Variants in LYSMD1 observed in about 807,000 individuals in gnomAD.
The protein encoded by LYSMD1 is LysM domain containing 1, also known as lysM and putative peptidoglycan-binding domain-containing protein 1.
Under a neutral mutation model 19.3 loss-of-function variants are expected in LYSMD1, and 9 were observed. That is an observed-to-expected ratio of 0.47 (90% CI 0.28 to 0.81). LYSMD1 has a LOEUF of 0.81. Among genes scored for constraint, LYSMD1 ranks in the 40% least tolerant of loss-of-function variants. The probability of loss-of-function intolerance (pLI) is 0.11; values close to 1 mark genes in which losing one functional copy is unlikely to be tolerated. For synonymous variants in LYSMD1, 111 were observed against 111.7 expected (o/e 0.99, Z 0.04); for missense variants, 262 against 279.8 (o/e 0.94, Z 0.45).
At chr1:151,164,386 A>G (rs1683578234) in intron 1 of LYSMD1, among the ~76,000 whole-genome samples, 1 of 152,236 alleles carries the variant, frequency 6.6e-6, no homozygotes, top group Admixed American at 6.5e-5. Flanking sequence ...GCTAAATTCA[A>G]CATTTGTTTG....
chr1:151,152,426 G>T, the LYSMD1 span, among the ~76,000 whole-genome samples: 1 of 146,642 alleles, frequency 6.8e-6, no homozygotes, highest in East Asian at 2.0e-4. Flanking sequence ...AATAGGACAG[G>T]CACGGTGGTT....
chr1:151,148,781 A>T, the LYSMD1 span, among the ~76,000 whole-genome samples: 1 of 152,172 alleles, frequency 6.6e-6, no homozygotes, highest in Non-Finnish European at 1.5e-5. Context: ...GATAAAAAAA[A>T]GGTCCTGTGA....
chr1:151,148,841 G>T, the LYSMD1 span, among the ~76,000 whole-genome samples: 1 of 152,166 alleles, frequency 6.6e-6, no homozygotes, highest in Non-Finnish European at 1.5e-5. Context: ...AGGGAAAAGG[G>T]GAAGACAAAT....
the LYSMD1 span, among the ~76,000 whole-genome samples, chr1:151,151,259 G>A: frequency 6.6e-6 from 1 of 150,828 alleles, no homozygotes; most frequent in East Asian, 2.0e-4. Flanking sequence ...TGGCTCACTC[G>A]GCTCACTGCA....
chr1:151,149,930 T>C, the LYSMD1 span, among the ~76,000 whole-genome samples: 6 of 152,264 alleles, frequency 3.9e-5, no homozygotes, highest in Non-Finnish European at 8.8e-5. Flanking sequence ...AAGTGAGAAT[T>C]CCACCAACTT....
downstream of LYSMD1, chr1:151,156,760 G>A (rs1572060453): frequency 6.6e-6 from 1 of 152,264 alleles, no homozygotes; most frequent in Non-Finnish European, 1.5e-5. Flanking sequence ...AGACTTTAGG[G>A]GTAATGGTGG....
At chr1:151,158,820 G>C, downstream of LYSMD1, 1 of 1,614,150 alleles carries the variant, frequency 6.2e-7, no homozygotes. Context: ...TGCTAGATGA[G>C]CTCTACCGTG....
In LYSMD1 at chr1:151,160,939, G is replaced by A; in HGVS notation, c.627C>T (p.Thr209=). ...QRAVLGPVPL[T]RTSRTRTLRD... is the part of the protein sequence containing the mutation. ...GTAGTGTCCGGGTCCGAGAGGTACGGGTCAGCGGCACAGGACCTAGGACTG... is the reference window on the plus strand; with the variant it reads ...GTAGTGTCCGGGTCCGAGAGGTACGAGTCAGCGGCACAGGACCTAGGACTG... The change falls in exon 3 of 3, where the codon ACC becomes ACT. Residue 209 remains threonine (T), a synonymous_variant. Coordinates refer to ENST00000368908, the MANE Select transcript of LYSMD1 (RefSeq NM_212551.5). The A allele has an allele frequency of 1.9e-6, 3 of 1,614,174 alleles. No homozygotes were observed. The South Asian group carries it at 3.3e-5, about 18-fold the overall frequency.
downstream of LYSMD1, chr1:151,159,362 G>T: frequency 8.6e-7 from 1 of 1,167,408 alleles, no homozygotes. Context: ...CAATCTTCAG[G>T]CTTCATTCCT....
At position 151,160,988 on chromosome 1, in the gene LYSMD1, C is replaced by T. The variant is rs747673438; in HGVS notation, c.578G>A (p.Ser193Asn). The T allele has an allele frequency of 1.9e-6, 3 of 1,614,134 alleles. No individual in the cohort carries two copies. Among genetic ancestry groups the T allele is most frequent in the Non-Finnish European group, 2.5e-6 (3 of 1,180,012 alleles). Residue 193 changes from serine (S) to asparagine (N), a missense_variant, in exon 3 of 3, where the codon AGC becomes AAC. Physicochemically the swap from Ser to Asn is conservative, Grantham distance 46. Transcript: ENST00000368908. ...TGCTCGTTGCTGCATCCAAGGGGAG[C>T]TCAGGTGGAGACCTGCATCCTCCCC... Reference protein sequence around the residue: ...VPGEDAGLHLSSPWMQQRAVL... With the variant: ...VPGEDAGLHLNSPWMQQRAVL...
At chr1:151,161,206 G>A (rs1007496904) in intron 2 of LYSMD1, among the ~76,000 whole-genome samples, 186 bp from the exon 3 acceptor site, 1 of 152,216 alleles carries the variant, frequency 6.6e-6, no homozygotes, top group African/African-American at 2.4e-5. Context: ...AGTAAAAACA[G>A]TTAACTGTCA....
At position 151,162,057 on chromosome 1, in the gene LYSMD1, G is replaced by T. The variant is rs1340255999; in HGVS notation, c.224C>A (p.Ser75Tyr). The T allele has an allele frequency of 6.2e-7, 1 of 1,611,678 alleles. No individual in the cohort carries two copies. Residue 75 changes from serine to tyrosine, a missense_variant, in exon 2 of 3, where the codon TCC becomes TAC. By Grantham distance (144) the Ser-to-Tyr change is moderately radical. Coordinates refer to ENST00000368908, the MANE Select transcript of LYSMD1 (RefSeq NM_212551.5). Reference sequence around the variant, plus strand: ...GTAGAGGGTTTTCTTCAGGAAGATGGAGTCATTAGTATAAAGGCGGTTTGC... The same window carrying T: ...GTAGAGGGTTTTCTTCAGGAAGATGTAGTCATTAGTATAAAGGCGGTTTGC... ...KRANRLYTND[S>Y]IFLKKTLYIP... is the part of the protein sequence containing the mutation.
the LYSMD1 span, among the ~76,000 whole-genome samples, chr1:151,151,793 G>A: frequency 6.6e-6 from 1 of 151,814 alleles, no homozygotes; most frequent in Non-Finnish European, 1.5e-5. Context: ...GCCGGGCATG[G>A]TGGCGGGCGC....
chr1:151,157,355 CT>C (rs1360570002), downstream of LYSMD1, among the ~76,000 whole-genome samples: 1 of 152,218 alleles, frequency 6.6e-6, no homozygotes, highest in Non-Finnish European at 1.5e-5. Flanking sequence ...GAGGGCGAGG[CT>C]GCTCCTCACT....
chr1:151,164,650 C>T (rs587689876), intron 1 of LYSMD1, among the ~76,000 whole-genome samples: 2 of 152,310 alleles, frequency 1.3e-5, no homozygotes, highest in South Asian at 2.1e-4. Flanking sequence ...TTGCTGTAAA[C>T]GTTTAATCAC....
At chr1:151,158,905 G>A (rs766594715), downstream of LYSMD1, 1 of 1,614,200 alleles carries the variant, frequency 6.2e-7, no homozygotes, top group Non-Finnish European at 8.5e-7. Context: ...GGCCATCAAG[G>A]TGGCTGTGCT....
chr1:151,152,549 A>T, the LYSMD1 span, among the ~76,000 whole-genome samples: 3 of 149,512 alleles, frequency 2.0e-5, no homozygotes, highest in African/African-American at 7.4e-5. Context: ...AAAATACAAA[A>T]ATTAGCCGGG....
At position 151,165,255 on chromosome 1, in the gene LYSMD1, C is replaced by A. The variant is rs1572072353; in HGVS notation, c.4G>T (p.Ala2Ser). 2 of 1,611,730 alleles carry A rather than the reference C, an allele frequency of 1.2e-6. No individual in the cohort carries two copies. The highest frequency in any genetic ancestry group is 2.2e-5 in the East Asian group (1 of 44,828). ...GGCGGGGGCTGTCTAGACGGGGAAG[C>A]CATCTCTTCACCCTGCCAACAGCTA... M[A>S]SPSRQPPPGG... The change falls in exon 1 of 3, where the codon GCT becomes TCT. Residue 2 changes from alanine to serine, a missense_variant. Physicochemically the swap from Ala to Ser is moderately conservative, Grantham distance 99 (BLOSUM62 1). Coordinates refer to ENST00000368908, the MANE Select transcript of LYSMD1 (RefSeq NM_212551.5).
At chr1:151,149,325 G>A in the LYSMD1 span, among the ~76,000 whole-genome samples, 1 of 152,246 alleles carries the variant, frequency 6.6e-6, no homozygotes, top group East Asian at 1.9e-4. Flanking sequence ...GAACTCAGGT[G>A]ACAGGAGATT....
Sources: allele counts gnomAD v4.1 joint callset (sites outside exome capture counted in the v4.1 genomes callset), GRCh38; gene constraint gnomAD v4.1.1; transcripts MANE v1.5; gene names NCBI Gene and HGNC (gene_info 2026-07-23, HGNC 2026-07-21).